The following TRADD variants were observed in gnomAD, a reference collection of about 807,000 sequenced individuals.
TRADD encodes tumor necrosis factor receptor type 1-associated DEATH domain protein.
TRADD carries 14 observed loss-of-function variants against 31.5 expected under a neutral mutation model. The observed-to-expected ratio is 0.44, with a 90% CI of 0.29 to 0.69. TRADD has a LOEUF of 0.69. TRADD is among the 30% of genes least tolerant of loss of function. The probability of loss-of-function intolerance (pLI) is 0.11; values close to 1 mark genes in which losing one functional copy is unlikely to be tolerated. For missense variants in TRADD, 388 were observed against 435.7 expected (o/e 0.89, Z 0.97); for synonymous variants, 220 against 215.8 (o/e 1.02, Z -0.17).
rs143536477 is a variant in TRADD, at chr16:67,154,450, A to C, written c.*199T>G. 113 of 667,726 alleles carry C rather than the reference A, an allele frequency of 1.7e-4. No individual in the cohort carries two copies. In the African/African-American group the frequency reaches 1.7e-3, roughly 10 times the overall value. The allele number at this position is 667,726 out of a possible 1,614,324, so 41.4% of individuals were successfully genotyped here. A position where few individuals can be genotyped will look rare whatever the true frequency, so the allele number is the denominator to read the frequency against. On this transcript the variant is annotated 3_prime_UTR_variant, in exon 5 of 5. Transcript: ENST00000345057. The surrounding 1 kb of genome is among the most constrained non-coding windows in gnomAD (Gnocchi z 5.2). Reference sequence around the variant, plus strand: ...GTCCCCCCCACCCCACACTCTATCAAAGTACCTGAGGCAGAATCCCCAATG... The same window carrying C: ...GTCCCCCCCACCCCACACTCTATCACAGTACCTGAGGCAGAATCCCCAATG...
In TRADD at chr16:67,154,688, G is replaced by T; in HGVS notation, c.900C>A (p.Asp300Glu). Reference protein sequence around the residue: ...EENELTSLAEDLLGLTDPNGG... With the variant: ...EENELTSLAEELLGLTDPNGG... ...CATTGGGATCGGTCAGGCCCAGCAAGTCCTCTGCCAGGCTGGTGAGCTCGT... is the reference window on the plus strand; with the variant it reads ...CATTGGGATCGGTCAGGCCCAGCAATTCCTCTGCCAGGCTGGTGAGCTCGT... Residue 300 changes from aspartate (D) to glutamate (E), a missense_variant, in exon 5 of 5, where the codon GAC becomes GAA. Transcript: ENST00000345057. The surrounding 1 kb of genome is among the most constrained non-coding windows in gnomAD (Gnocchi z 5.2). The T allele has an allele frequency of 6.2e-7, 1 of 1,612,944 alleles. No individual in the cohort carries two copies. Among genetic ancestry groups the T allele is most frequent in the Non-Finnish European group, 8.5e-7 (1 of 1,179,952 alleles).
chr16:67,157,426 G>A (rs2030737829), intron 1 of TRADD, among the ~76,000 whole-genome samples: 1 of 152,198 alleles, frequency 6.6e-6, no homozygotes, highest in Non-Finnish European at 1.5e-5. Flanking sequence ...ATAGGAAAGA[G>A]GCACTACTTT....
intron 1 of TRADD, among the ~76,000 whole-genome samples, chr16:67,157,727 G>A (rs909426443): frequency 3.9e-5 from 6 of 152,254 alleles, no homozygotes; most frequent in African/African-American, 1.2e-4. Flanking sequence ...AAAAGCCAGG[G>A]CCCCTTGGTG....
intron 2 of TRADD, chr16:67,155,913 G>A: frequency 6.6e-7 from 1 of 1,517,682 alleles, no homozygotes. Flanking sequence ...CCCCAAATGA[G>A]GGTTGGCAAA....
chr16:67,156,261 C>A lies in TRADD; in HGVS notation c.151+249G>T. The A allele has an allele frequency of 6.0e-6, 8 of 1,344,024 alleles. No homozygotes were observed. The South Asian group carries it at 9.4e-5, about 16-fold the overall frequency. 83.3% of individuals were successfully genotyped at this position (1,344,024 alleles called of 1,614,324 possible). A position where few individuals can be genotyped will look rare whatever the true frequency, so the allele number is the denominator to read the frequency against. Reference sequence around the variant, plus strand: ...CAATTAGTAGAAAGGAGTGAGCCGGCTGGTGGAGGGGGGCGGGGATGGAGC... The same window carrying A: ...CAATTAGTAGAAAGGAGTGAGCCGGATGGTGGAGGGGGGCGGGGATGGAGC... On this transcript the variant is annotated intron_variant, in intron 2 of 4. Transcript: ENST00000345057. The surrounding 1 kb of genome is among the most constrained non-coding windows in gnomAD (Gnocchi z 4.6).
In TRADD at chr16:67,154,560, G is replaced by C; in HGVS notation, c.*89C>G. 6.7e-7 allele frequency: 1 copy of C among 1,489,590 alleles called. No individual in the cohort carries two copies. Among genetic ancestry groups the C allele is most frequent in the South Asian group, 1.2e-5 (1 of 82,582 alleles). 92.3% of individuals were successfully genotyped at this position (1,489,590 alleles called of 1,614,324 possible). ...GCAGATAGGCCAAGTGGAGTTTCAGGGTCCCGTGGATGGACAGGGGTTCAG... is the reference window on the plus strand; with the variant it reads ...GCAGATAGGCCAAGTGGAGTTTCAGCGTCCCGTGGATGGACAGGGGTTCAG... On this transcript the variant is annotated 3_prime_UTR_variant, in exon 5 of 5. Transcript: ENST00000345057. This position sits in a 1 kb window ranked among gnomAD's most constrained non-coding sequence, Gnocchi z 5.2.
Position 67,156,539 on chromosome 16 carries a change from A to G in TRADD, c.122T>C (p.Val41Ala). 1 of 1,613,502 alleles carries G rather than the reference A, an allele frequency of 6.2e-7. No homozygotes were observed. The highest frequency in any genetic ancestry group is 8.5e-7 in the Non-Finnish European group (1 of 1,180,014). The change falls in exon 2 of 5, where the codon GTG (valine) becomes GCG (alanine). Residue 41 changes from valine (V) to alanine (A), a missense_variant. Physicochemically the swap from Val to Ala is moderately conservative, Grantham distance 64. Coordinates refer to ENST00000345057, the MANE Select transcript of TRADD (RefSeq NM_003789.4). The surrounding 1 kb of genome is among the most constrained non-coding windows in gnomAD (Gnocchi z 4.6). ...CAAGGCAGCCTGCAGAGCCCTGTAC[A>G]CTGCCACCTTCTGCTGGGGGTGCGC... ...AYAHPQQKVA[V>A]YRALQAALAE...
At chr16:67,156,000 G>A in intron 2 of TRADD, 2 of 1,398,482 alleles carry the variant, frequency 1.4e-6, no homozygotes, top group Non-Finnish European at 1.9e-6. Context: ...GGCCAGCAGG[G>A]CAGAGGAGGG....
In TRADD at chr16:67,155,535, G is replaced by A; in HGVS notation, c.271C>T (p.Arg91Cys). The A allele has an allele frequency of 6.6e-7, 1 of 1,520,808 alleles. No individual in the cohort carries two copies. Among genetic ancestry groups the A allele is most frequent in the South Asian group, 1.2e-5 (1 of 82,566 alleles). The allele number at this position is 1,520,808 out of a possible 1,614,324, so 94.2% of individuals were successfully genotyped here. Reference protein sequence around the residue: ...QPCGRFLRAYREGALRAALQR... With the variant: ...QPCGRFLRAYCEGALRAALQR... ...AGCGCGGCGCGCAGCGCCCCCTCGC[G>A]GTAGGCGCGGAGGAAGCGGCCACAG... Residue 91 changes from arginine (R) to cysteine (C), a missense_variant, in exon 3 of 5, where the codon CGC becomes TGC. Coordinates refer to ENST00000345057, the MANE Select transcript of TRADD (RefSeq NM_003789.4).
In TRADD at chr16:67,156,687, A is replaced by C. The variant is rs767820059; in HGVS notation, c.-8-19T>G. On this transcript the variant is annotated intron_variant, in intron 1 of 4. Coordinates refer to ENST00000345057, the MANE Select transcript of TRADD (RefSeq NM_003789.4). The surrounding 1 kb of genome is among the most constrained non-coding windows in gnomAD (Gnocchi z 4.6). ...TCACCTCCTGGAGATGCAGACAGTC[A>C]GGTATCCAGTTCATCCCCCCTCCCT... The C allele has an allele frequency of 6.2e-7, 1 of 1,612,982 alleles. No individual in the cohort carries two copies. Among genetic ancestry groups the C allele is most frequent in the African/African-American group, 1.3e-5 (1 of 74,908 alleles).
chr16:67,159,527 C>T lies in TRADD; in HGVS notation c.-9+311G>A, dbSNP rs1239996864. On this transcript the variant is annotated intron_variant, in intron 1 of 4. Transcript: ENST00000345057. The surrounding 1 kb of genome is among the most constrained non-coding windows in gnomAD (Gnocchi z 6.8). ...CCCTCAAGCTGGGGTTTCGCACGTG[C>T]GATCGGCTGGGGTGGGCAAGGGGGT... Among the ~76,000 whole-genome samples, 1 of 152,210 alleles carries T rather than the reference C, an allele frequency of 6.6e-6. No homozygotes were observed. Among genetic ancestry groups the T allele is most frequent in the African/African-American group, 2.4e-5 (1 of 41,460 alleles).
Position 67,156,823 on chromosome 16 carries a change from A to C in TRADD, c.-8-155T>G. ...CACCACTGGTTGGCATACTTGGGACAGGAGTTCACCATCTCACAGGAAGCC... is the reference window on the plus strand; with the variant it reads ...CACCACTGGTTGGCATACTTGGGACCGGAGTTCACCATCTCACAGGAAGCC... On this transcript the variant is annotated intron_variant, in intron 1 of 4. Transcript: ENST00000345057. The surrounding 1 kb of genome is among the most constrained non-coding windows in gnomAD (Gnocchi z 4.6). 1 of 1,044,986 alleles carries C rather than the reference A, an allele frequency of 9.6e-7. No homozygotes were observed. Among genetic ancestry groups the C allele is most frequent in the African/African-American group, 1.6e-5 (1 of 64,310 alleles). The allele number at this position is 1,044,986 out of a possible 1,614,324, so 64.7% of individuals were successfully genotyped here.
chr16:67,156,102 T>A lies in TRADD; in HGVS notation c.151+408A>T. 1 of 1,348,090 alleles carries A rather than the reference T, an allele frequency of 7.4e-7. No individual in the cohort carries two copies. Among genetic ancestry groups the A allele is most frequent in the Non-Finnish European group, 9.7e-7 (1 of 1,028,380 alleles). The allele number at this position is 1,348,090 out of a possible 1,614,324, so 83.5% of individuals were successfully genotyped here. A position where few individuals can be genotyped will look rare whatever the true frequency, so the allele number is the denominator to read the frequency against. ...TCGCCGCTCTGAGGCCACGAACAGA[T>A]CCCCCAACCCGCTTCAGCCTCCTGT... On this transcript the variant is annotated intron_variant, in intron 2 of 4. Transcript: ENST00000345057. The surrounding 1 kb of genome is among the most constrained non-coding windows in gnomAD (Gnocchi z 4.6).
chr16:67,155,133 T>TGGC lies in TRADD; in HGVS notation c.588_590dup (p.Pro198dup), dbSNP rs751301174. 119 of 1,544,762 alleles carry TGGC rather than the reference T, an allele frequency of 7.7e-5. 1 individual carries two copies. Among genetic ancestry groups the TGGC allele is most frequent in the South Asian group, 2.0e-4 (17 of 84,710 alleles). On this transcript the variant is annotated inframe_insertion, in exon 4 of 5. Coordinates refer to ENST00000345057, the MANE Select transcript of TRADD (RefSeq NM_003789.4). ...CCTGGAACAGAAAAGTCTGGGCAGG[T>TGGC]GGCGGCGGCGGCGGCGGCTTCACCT... is the stretch of plus-strand genomic sequence containing the variant.
rs1285871340 is a variant in TRADD, at chr16:67,154,942, G to C, written c.646C>G (p.Leu216Val). 2 of 1,609,566 alleles carry C rather than the reference G, an allele frequency of 1.2e-6. No individual in the cohort carries two copies. The highest frequency in any genetic ancestry group is 1.7e-6 in the Non-Finnish European group (2 of 1,178,608). Residue 216 changes from leucine to valine, a missense_variant, in exon 5 of 5, where the codon CTG becomes GTG. Transcript: ENST00000345057. This position sits in a 1 kb window ranked among gnomAD's most constrained non-coding sequence, Gnocchi z 5.2. ...CGCGCGAACGTCTGTTGGTCCTTCAGGCTCAGCGGCCGATTCACTGCAGAG... is the reference window on the plus strand; with the variant it reads ...CGCGCGAACGTCTGTTGGTCCTTCACGCTCAGCGGCCGATTCACTGCAGAG... ...GQPVVNRPLSLKDQQTFARSV... is the reference protein window; with the variant it reads ...GQPVVNRPLSVKDQQTFARSV...
Position 67,155,109 on chromosome 16 carries a change from C to T in TRADD, c.615G>A (p.Gln205=). 6.5e-7 allele frequency: 1 copy of T among 1,544,434 alleles called. No individual in the cohort carries two copies. Among genetic ancestry groups the T allele is most frequent in the Non-Finnish European group, 8.7e-7 (1 of 1,147,890 alleles). The change falls in exon 4 of 5, where the codon CAG becomes CAA. Residue 205 remains glutamine (Q), a synonymous_variant. Transcript: ENST00000345057. ...CCTGCGCCTCACCTACAGGCTGACC[C>T]TGGAACAGAAAAGTCTGGGCAGGTG... The part of the protein sequence containing the change: ...PPPPAQTFLF[Q]GQPVVNRPLS...
At position 67,154,603 on chromosome 16, in the gene TRADD, A is replaced by T; in HGVS notation, c.*46T>A. On this transcript the variant is annotated 3_prime_UTR_variant, in exon 5 of 5. Transcript: ENST00000345057. This position sits in a 1 kb window ranked among gnomAD's most constrained non-coding sequence, Gnocchi z 5.2. ...GGGTTCAGCAATAGCCGCAGAAGGAACCCTAAGGCCATCCAGGTTCTCCAA... is the reference window on the plus strand; with the variant it reads ...GGGTTCAGCAATAGCCGCAGAAGGATCCCTAAGGCCATCCAGGTTCTCCAA... The T allele has an allele frequency of 6.3e-7, 1 of 1,593,800 alleles. No homozygotes were observed. The highest frequency in any genetic ancestry group is 8.5e-7 in the Non-Finnish European group (1 of 1,171,744).
chr16:67,155,176 G>A lies in TRADD; in HGVS notation c.548C>T (p.Pro183Leu). The change falls in exon 4 of 5, where the codon CCG becomes CTG. Residue 183 changes from proline (P) to leucine (L), a missense_variant. By Grantham distance (98) the Pro-to-Leu change is moderately conservative. Transcript: ENST00000345057. ...GEVASAPLQP[P>L]VPSLSEVKPP... ...CTTCACCTCCGACAGAGAGGGCACCGGGGGCTGCAAGGGGGCCGAAGCGAC... is the reference window on the plus strand; with the variant it reads ...CTTCACCTCCGACAGAGAGGGCACCAGGGGCTGCAAGGGGGCCGAAGCGAC... 2 of 1,563,500 alleles carry A rather than the reference G, an allele frequency of 1.3e-6. No individual in the cohort carries two copies. Among genetic ancestry groups the A allele is most frequent in the Non-Finnish European group, 1.7e-6 (2 of 1,157,274 alleles).
intron 2 of TRADD, 179 bp from the exon 3 acceptor site, chr16:67,155,833 A>C: frequency 6.8e-7 from 1 of 1,476,532 alleles, no homozygotes; most frequent in Admixed American, 2.3e-5. Context: ...ATAACCCAGA[A>C]AGAAGACCAG....
Sources: allele counts gnomAD v4.1 joint callset (sites outside exome capture counted in the v4.1 genomes callset), GRCh38; gene constraint gnomAD v4.1.1; non-coding constraint Gnocchi (gnomAD v3.1); transcripts MANE v1.5; gene names NCBI Gene and HGNC (gene_info 2026-07-23, HGNC 2026-07-21).